MXD4: variants seen among roughly 807,000 people sequenced by gnomAD.
The protein encoded by MXD4 is Mad4 homolog.
A neutral mutation model predicts 24.5 loss-of-function variants in MXD4; 16 were observed. The ratio of observed to expected loss-of-function variants is 0.65; its 90% CI spans 0.44 to 0.99. MXD4 has a LOEUF of 0.99. MXD4 is among the 50% of genes least tolerant of loss of function. MXD4 has a pLI of 0.00. For synonymous variants in MXD4, 164 were observed against 134.2 expected (o/e 1.22, Z -1.54); for missense variants, 301 against 301.5 (o/e 1.00, Z 0.01).
chr4:2,261,884 C>T, intron 1 of MXD4, 33 bp downstream of exon 1: 2 of 1,407,732 alleles, frequency 1.4e-6, no homozygotes, highest in East Asian at 3.1e-5. Context: ...GCCCGCCCAC[C>T]GCCGCGGGCG....
At chr4:2,255,140 G>A (rs1035017253) in intron 3 of MXD4, 4 of 375,956 alleles carry the variant, frequency 1.1e-5, no homozygotes, top group Admixed American at 3.2e-5. Context: ...CCTGACGCAG[G>A]CGGACAGGAC....
intron 2 of MXD4, among the ~76,000 whole-genome samples, chr4:2,258,387 C>A (rs1735472940): frequency 6.6e-6 from 1 of 152,138 alleles, no homozygotes; most frequent in Non-Finnish European, 1.5e-5. Flanking sequence ...GCCCACCTAG[C>A]AAGGCCCGTG....
At chr4:2,258,866 G>A in intron 2 of MXD4, 1 of 455,314 alleles carries the variant, frequency 2.2e-6, no homozygotes, top group South Asian at 1.6e-5. Context: ...TGGGGACAGT[G>A]GCCCCACCTG....
chr4:2,248,592 G>C lies in MXD4; in HGVS notation c.*1952C>G, dbSNP rs1398838772. The stretch of plus-strand genomic sequence containing the variant: ...CCTTTCTGGGCACCCCTGGACCCCA[G>C]TGGGGCCGGAAGGAGATGCAGACAG... On this transcript the variant is annotated 3_prime_UTR_variant, in exon 6 of 6. Transcript: ENST00000337190. The C allele has an allele frequency of 6.6e-6, 1 of 152,392 alleles. No homozygotes were observed. The highest frequency in any genetic ancestry group is 1.5e-5 in the Non-Finnish European group (1 of 68,178). The allele number at this position is 152,392 out of a possible 1,614,324, so 9.4% of individuals were successfully genotyped here. A position where few individuals can be genotyped will look rare whatever the true frequency, so the allele number is the denominator to read the frequency against.
At chr4:2,252,342 C>A in intron 4 of MXD4, 66 bp downstream of exon 4, 1 of 1,336,184 alleles carries the variant, frequency 7.5e-7, no homozygotes, top group African/African-American at 1.4e-5. Flanking sequence ...TGTGAGCACC[C>A]CCCCAGGGCG....
In MXD4 at chr4:2,250,248, C is replaced by T; in HGVS notation, c.*296G>A. 2.1e-6 allele frequency: 1 copy of T among 481,392 alleles called. No individual in the cohort carries two copies. Among genetic ancestry groups the T allele is most frequent in the East Asian group, 3.4e-5 (1 of 29,192 alleles). The allele number at this position is 481,392 out of a possible 1,614,324, so 29.8% of individuals were successfully genotyped here. A position where few individuals can be genotyped will look rare whatever the true frequency, so the allele number is the denominator to read the frequency against. On this transcript the variant is annotated 3_prime_UTR_variant, in exon 6 of 6. Transcript: ENST00000337190. ...AGGTTTGCAGCAATGACGTTTAATA[C>T]TTCTGGAATGATTAGGAATCTGAGA...
intron 3 of MXD4, among the ~76,000 whole-genome samples, chr4:2,257,206 G>A (rs989575906): frequency 2.0e-5 from 3 of 152,198 alleles, no homozygotes; most frequent in Non-Finnish European, 4.4e-5. Context: ...TTTCTGGAGG[G>A]GACTGTGGGG....
intron 4 of MXD4, 95 bp from the exon 5 acceptor site, chr4:2,251,341 G>T: frequency 7.2e-7 from 1 of 1,387,164 alleles, no homozygotes; most frequent in South Asian, 1.5e-5. Context: ...GGCCCGGGAG[G>T]TTCCCCATCC....
chr4:2,261,961 A>G lies in MXD4; in HGVS notation c.20T>C (p.Leu7Pro). 1 of 1,439,366 alleles carries G rather than the reference A, an allele frequency of 6.9e-7. No homozygotes were observed. The highest frequency in any genetic ancestry group is 9.2e-7 in the Non-Finnish European group (1 of 1,090,822). 89.2% of individuals were successfully genotyped at this position (1,439,366 alleles called of 1,614,324 possible). The change falls in exon 1 of 6, where the codon CTG (leucine) becomes CCG (proline). Residue 7 changes from leucine (L) to proline (P), a missense_variant. Physicochemically the swap from Leu to Pro is moderately conservative, Grantham distance 98 (BLOSUM62 -3). Transcript: ENST00000337190. MELNSLLILLEAAEYLE... is the reference protein window; with the variant it reads MELNSLPILLEAAEYLE... Reference sequence around the variant, plus strand: ...GTACTCGGCCGCCTCCAGCAGGATCAGCAGGGAGTTCAGCTCCATCCTCCC... The same window carrying G: ...GTACTCGGCCGCCTCCAGCAGGATCGGCAGGGAGTTCAGCTCCATCCTCCC...
In MXD4 at chr4:2,250,257, T is replaced by C. The variant is rs1049904403; in HGVS notation, c.*287A>G. 7 of 496,048 alleles carry C rather than the reference T, an allele frequency of 1.4e-5. No homozygotes were observed. Among genetic ancestry groups the C allele is most frequent in the African/African-American group, 1.2e-4 (6 of 51,532 alleles). The allele number at this position is 496,048 out of a possible 1,614,324, so 30.7% of individuals were successfully genotyped here. ...GCAATGACGTTTAATACTTCTGGAA[T>C]GATTAGGAATCTGAGAACAGACCGT... On this transcript the variant is annotated 3_prime_UTR_variant, in exon 6 of 6. Coordinates refer to ENST00000337190, the MANE Select transcript of MXD4 (RefSeq NM_006454.3).
chr4:2,261,605 C>G (rs1424552226), intron 2 of MXD4, 120 bp downstream of exon 2: 1 of 399,892 alleles, frequency 2.5e-6, no homozygotes, highest in Non-Finnish European at 3.4e-6. Context: ...GGCTGGCCGC[C>G]GGGGCGCGCG....
At chr4:2,258,114 G>A (rs1735467563) in intron 2 of MXD4, 103 bp from the exon 3 acceptor site, 4 of 1,434,596 alleles carry the variant, frequency 2.8e-6, no homozygotes, top group Non-Finnish European at 2.9e-6. Flanking sequence ...ACAGTGGCTG[G>A]CTGTGTCTGG....
intron 3 of MXD4, chr4:2,255,471 C>T (rs1434449312): frequency 2.0e-5 from 9 of 447,306 alleles, no homozygotes; most frequent in Non-Finnish European, 9.0e-6. Context: ...GAAATTCCTG[C>T]CCTGGAGAGC....
chr4:2,260,976 T>C (rs2108792056), intron 2 of MXD4, among the ~76,000 whole-genome samples: 1 of 152,340 alleles, frequency 6.6e-6, no homozygotes, highest in African/African-American at 2.4e-5. Flanking sequence ...GCTTCAGGGC[T>C]TCTGCTGCCT....
At position 2,250,206 on chromosome 4, in the gene MXD4, T is replaced by G; in HGVS notation, c.*338A>C. On this transcript the variant is annotated 3_prime_UTR_variant, in exon 6 of 6. Coordinates refer to ENST00000337190, the MANE Select transcript of MXD4 (RefSeq NM_006454.3). ...CTCCCTGTGGTGGTCATTAAGCCCC[T>G]CACACGGCACCTGCCGAGGTTTGCA... The G allele has an allele frequency of 3.2e-6, 1 of 316,798 alleles. No homozygotes were observed. The highest frequency in any genetic ancestry group is 5.9e-6 in the Non-Finnish European group (1 of 169,106). 19.6% of individuals were successfully genotyped at this position (316,798 alleles called of 1,614,324 possible). A position where few individuals can be genotyped will look rare whatever the true frequency, so the allele number is the denominator to read the frequency against.
At chr4:2,260,343 G>A (rs555774086) in intron 2 of MXD4, among the ~76,000 whole-genome samples, 2 of 152,372 alleles carry the variant, frequency 1.3e-5, no homozygotes, top group African/African-American at 2.4e-5. Context: ...TGGCCATAGA[G>A]ATAAAAATCA....
At chr4:2,253,732 C>G (rs1425969016) in intron 3 of MXD4, 1 of 152,232 alleles carries the variant, frequency 6.6e-6, no homozygotes. Context: ...AGAGGAGGAG[C>G]CTGAAGAAGG....
intron 3 of MXD4, among the ~76,000 whole-genome samples, chr4:2,256,895 C>T (rs947895148): frequency 1.2e-4 from 18 of 152,152 alleles, no homozygotes; most frequent in South Asian, 2.1e-4. Flanking sequence ...AACACCCCCA[C>T]GTGCCTGCCC....
Position 2,250,456 on chromosome 4 carries a change from T to G in MXD4, c.*88A>C, listed in dbSNP as rs1450430780. ...CCAGAATGGCACAGCAGTGGGCCTG[T>G]GGAGAGGCTGGCGTCAACTGAAGGA... On this transcript the variant is annotated 3_prime_UTR_variant, in exon 6 of 6. Coordinates refer to ENST00000337190, the MANE Select transcript of MXD4 (RefSeq NM_006454.3). 17 of 1,410,894 alleles carry G rather than the reference T, an allele frequency of 1.2e-5. No homozygotes were observed. The highest frequency in any genetic ancestry group is 2.9e-5 in the African/African-American group (2 of 69,598). 87.4% of individuals were successfully genotyped at this position (1,410,894 alleles called of 1,614,324 possible). A position where few individuals can be genotyped will look rare whatever the true frequency, so the allele number is the denominator to read the frequency against.
Sources: gnomAD v4.1 joint callset for allele counts (sites outside exome capture counted in the v4.1 genomes callset) on GRCh38, gnomAD v4.1.1 for gene constraint, MANE v1.5 for transcripts, NCBI Gene and HGNC (gene_info 2026-07-23, HGNC 2026-07-21) for gene names.